MXD3: variants seen among roughly 807,000 people sequenced by gnomAD.
The protein encoded by MXD3 is Max-associated protein 3.
A neutral mutation model predicts 27.5 loss-of-function variants in MXD3; 20 were observed. The observed-to-expected ratio is 0.73, with a 90% confidence interval of 0.51 to 1.06. The LOEUF (loss-of-function observed/expected upper bound fraction) is 1.06. MXD3 is among the 50% of genes least tolerant of loss of function. The pLI, the probability that MXD3 is intolerant of heterozygous loss-of-function variation, is 0.00. For missense variants in MXD3, 298 were observed against 291.3 expected (o/e 1.02, Z -0.17); for synonymous variants, 150 against 130.7 (o/e 1.15, Z -1.01).
At chr5:177,311,069 A>G (rs1761022734) in intron 2 of MXD3, 1 of 534,152 alleles carries the variant, frequency 1.9e-6, no homozygotes. Context: ...TGGGGAGAGG[A>G]GAGAAGAGGA....
downstream of MXD3, chr5:177,306,663 C>T (rs937478277): frequency 4.7e-6 from 7 of 1,498,768 alleles, no homozygotes; most frequent in East Asian, 1.7e-4. Flanking sequence ...CAACTTCCAG[C>T]CCTGTCTGCT....
Position 177,307,213 on chromosome 5 carries a change from T to G in MXD3, c.*375A>C, listed in dbSNP as rs1452186805. 3 of 1,551,672 alleles carry G rather than the reference T, an allele frequency of 1.9e-6. No individual in the cohort carries two copies. The Admixed American group carries it at 5.9e-5, about 30-fold the overall frequency. ...AGGCAAGACTATGGACGGGAAGTTATGAAAGAGGCTTTTAATGAAAATACT... is the reference window on the plus strand; with the variant it reads ...AGGCAAGACTATGGACGGGAAGTTAGGAAAGAGGCTTTTAATGAAAATACT... On this transcript the variant is annotated 3_prime_UTR_variant, in exon 6 of 6. Coordinates refer to ENST00000439742, the MANE Select transcript of MXD3 (RefSeq NM_031300.4).
chr5:177,311,048 A>G, intron 2 of MXD3: 1 of 555,602 alleles, frequency 1.8e-6, no homozygotes, highest in Middle Eastern at 4.8e-4. Flanking sequence ...GGAACAGCAT[A>G]TGCAAAGGGC....
At chr5:177,311,904 G>C, upstream of MXD3, 2 of 1,540,062 alleles carry the variant, frequency 1.3e-6, no homozygotes, top group East Asian at 4.8e-5. Context: ...TTGTTACAAA[G>C]TAACTGACAC....
intron 3 of MXD3, 44 bp from the exon 4 acceptor site, chr5:177,310,584 C>T (rs201511869): frequency 2.5e-5 from 40 of 1,612,120 alleles, no homozygotes; most frequent in East Asian, 2.2e-4. Flanking sequence ...CCCACCTTGC[C>T]GGCCACAGGA....
At position 177,307,419 on chromosome 5, in the gene MXD3, C is replaced by T. The variant is rs1360903116; in HGVS notation, c.*169G>A. The T allele has an allele frequency of 2.0e-6, 3 of 1,503,444 alleles. No homozygotes were observed. Among genetic ancestry groups the T allele is most frequent in the East Asian group, 4.9e-5 (2 of 40,730 alleles). 93.1% of individuals were successfully genotyped at this position (1,503,444 alleles called of 1,614,324 possible). On this transcript the variant is annotated 3_prime_UTR_variant, in exon 6 of 6. Coordinates refer to ENST00000439742, the MANE Select transcript of MXD3 (RefSeq NM_031300.4). ...GCCCCTTCCCTTCCAGAGGGCCTGC[C>T]TGGCAGCCAGCAGCAGGGTGTTTGG...
chr5:177,308,238 CTG>C, intron 4 of MXD3, among the ~76,000 whole-genome samples: 1 of 152,342 alleles, frequency 6.6e-6, no homozygotes, highest in African/African-American at 2.4e-5. Context: ...GGATAAAGGA[CTG>C]GAGTGCTGTG....
chr5:177,305,998 T>G (rs369136404), downstream of MXD3: 7 of 1,611,334 alleles, frequency 4.3e-6, no homozygotes, highest in African/African-American at 8.0e-5. Flanking sequence ...AGCAGTGTTG[T>G]TGGGGCTGCT....
rs148438831 is a variant in MXD3 at position 177,307,602 on chromosome 5, C to T, written c.607G>A (p.Gly203Ser). ...GQEHSYSHGG[G>S]AWL ...GGTGAGGAACATCATAGCCAGGCGC[C>T]GCCGCCGTGCGAGTAGCTGTGCTCC... Residue 203 changes from glycine (G) to serine (S), a missense_variant, in exon 6 of 6, where the codon GGC becomes AGC. Coordinates refer to ENST00000439742, the MANE Select transcript of MXD3 (RefSeq NM_031300.4). The T allele has an allele frequency of 1.2e-5, 20 of 1,612,592 alleles. No individual in the cohort carries two copies. The highest frequency in any genetic ancestry group is 1.0e-4 in the Admixed American group (6 of 59,990).
chr5:177,307,873 C>T lies in MXD3; in HGVS notation c.413G>A (p.Arg138Gln), dbSNP rs763951745. Residue 138 changes from arginine to glutamine, a missense_variant, in exon 5 of 6, where the codon CGG (arginine) becomes CAG (glutamine). By Grantham distance (43) the Arg-to-Gln change is conservative (BLOSUM62 1). Transcript: ENST00000439742. ...QSLQRQLEQL[R>Q]GLAGAAERER... Reference sequence around the variant, plus strand: ...CCGCTCGGCCGCCCCTGCCAGCCCCCGGAGCTGCTCCAGCTGCCGCTGCAG... The same window carrying T: ...CCGCTCGGCCGCCCCTGCCAGCCCCTGGAGCTGCTCCAGCTGCCGCTGCAG... 17 of 1,607,890 alleles carry T rather than the reference C, an allele frequency of 1.1e-5. No homozygotes were observed. The highest frequency in any genetic ancestry group is 1.8e-4 in the Middle Eastern group (1 of 5,614).
chr5:177,307,667 C>T lies in MXD3; in HGVS notation c.542G>A (p.Gly181Glu). Reference protein sequence around the residue: ...LEVDVESLVFGGEAELLRGFV... With the variant: ...LEVDVESLVFEGEAELLRGFV... ...GCCCCGCAGCAGCTCGGCCTCACCC[C>T]CAAACACCAGGCTCTCCACATCCAC... Residue 181 changes from glycine to glutamate, a missense_variant, in exon 6 of 6, where the codon GGG becomes GAG. By Grantham distance (98) the Gly-to-Glu change is moderately conservative. Coordinates refer to ENST00000439742, the MANE Select transcript of MXD3 (RefSeq NM_031300.4). 6.2e-7 allele frequency: 1 copy of T among 1,613,664 alleles called. No individual in the cohort carries two copies. Among genetic ancestry groups the T allele is most frequent in the Non-Finnish European group, 8.5e-7 (1 of 1,179,944 alleles).
chr5:177,312,497 A>AG (rs1323226910), upstream of MXD3: 1 of 985,264 alleles, frequency 1.0e-6, no homozygotes, highest in African/African-American at 1.7e-5. Context: ...CGGGGTTGAG[A>AG]GGGGAGCTGG....
chr5:177,310,409 G>A lies in MXD3; in HGVS notation c.321+17C>T, dbSNP rs375638345. 46 of 1,599,524 alleles carry A rather than the reference G, an allele frequency of 2.9e-5. No homozygotes were observed. The highest frequency in any genetic ancestry group is 2.1e-4 in the African/African-American group (16 of 74,696). On this transcript the variant is annotated intron_variant, in intron 4 of 5. Coordinates refer to ENST00000439742, the MANE Select transcript of MXD3 (RefSeq NM_031300.4). ...TACACCAGGGCAAGCCAGTCCGGGC[G>A]CAGTGGGGGGCCTCACCTGGATGTG...
rs751256573 is a variant in MXD3, at chr5:177,307,315, G to T, written c.*273C>A. ...GCCCAAGAGGCTTCCTGTCCCCTTG[G>T]GGGCAGCAGAGCCAAATGCTTGGGC... On this transcript the variant is annotated 3_prime_UTR_variant, in exon 6 of 6. Coordinates refer to ENST00000439742, the MANE Select transcript of MXD3 (RefSeq NM_031300.4). 6.5e-6 allele frequency: 10 copies of T among 1,547,832 alleles called. No homozygotes were observed. The South Asian group carries it at 1.2e-4, about 18-fold the overall frequency.
chr5:177,312,147 C>G (rs1211765728), upstream of MXD3: 1 of 1,068,024 alleles, frequency 9.4e-7, no homozygotes, highest in African/African-American at 1.7e-5. Flanking sequence ...CCGCCTCACT[C>G]ATCCACCCAC....
chr5:177,312,520 A>AGGCGCCGGCGGAGGGGCGGC (rs1761062783), upstream of MXD3: 7 of 985,310 alleles, frequency 7.1e-6, no homozygotes, highest in Admixed American at 6.1e-5. Flanking sequence ...CTCAATGCGC[A>AGGCGCCGGCGGAGGGGCGGC]GGCGCCGGCG....
At chr5:177,311,579 G>C (rs1005844114) in intron 1 of MXD3, 95 bp from the exon 2 acceptor site, 2 of 1,203,332 alleles carry the variant, frequency 1.7e-6, no homozygotes, top group Admixed American at 6.2e-5. Flanking sequence ...GGCTTTTGGC[G>C]CCAGGACCAT....
At chr5:177,309,481 G>A (rs1427555119) in intron 4 of MXD3, among the ~76,000 whole-genome samples, 1 of 152,202 alleles carries the variant, frequency 6.6e-6, no homozygotes, top group Non-Finnish European at 1.5e-5. Context: ...CTCCGTGTGA[G>A]AAACTGGGCC....
chr5:177,306,760 TC>T, downstream of MXD3: 1 of 1,011,842 alleles, frequency 9.9e-7, no homozygotes, highest in Non-Finnish European at 1.4e-6. Flanking sequence ...CTGCTTATTC[TC>T]CCATTGGGCA....
Sources: allele counts gnomAD v4.1 joint callset (sites outside exome capture counted in the v4.1 genomes callset), GRCh38; gene constraint gnomAD v4.1.1; transcripts MANE v1.5; gene names NCBI Gene and HGNC (gene_info 2026-07-23, HGNC 2026-07-21).